COL14A1: variants seen among roughly 807,000 people sequenced by gnomAD.
The protein encoded by COL14A1 is collagen alpha-1(XIV) chain.
In COL14A1, 136 loss-of-function variants were observed where a neutral mutation model predicts 230.3. That is an observed-to-expected ratio of 0.59 (90% CI 0.51 to 0.68). The LOEUF (loss-of-function observed/expected upper bound fraction) is 0.68. COL14A1 is among the 30% of genes least tolerant of loss of function. The probability of loss-of-function intolerance (pLI) is 0.00; values close to 1 mark genes in which losing one functional copy is unlikely to be tolerated. For synonymous variants in COL14A1, 792 were observed against 784.1 expected (o/e 1.01, Z -0.17); for missense variants, 1,976 against 2,215.8 (o/e 0.89, Z 2.17).
chr8:120,225,950 G>C (rs180884433), intron 15 of COL14A1, among the ~76,000 whole-genome samples: 1 of 151,112 alleles, frequency 6.6e-6, no homozygotes, highest in South Asian at 2.1e-4. Flanking sequence ...GCTAATTCTA[G>C]TTGGGATTCT....
intron 13 of COL14A1, among the ~76,000 whole-genome samples, chr8:120,214,495 A>G (rs1232246593): frequency 6.6e-6 from 1 of 152,226 alleles, no homozygotes; most frequent in Admixed American, 6.5e-5. Flanking sequence ...GGGTCCTTGA[A>G]GAGGTTCAAA....
intron 3 of COL14A1, among the ~76,000 whole-genome samples, chr8:120,159,893 T>C (rs971351998): frequency 6.6e-6 from 1 of 152,178 alleles, no homozygotes; most frequent in South Asian, 2.1e-4. Context: ...GATTTCACCA[T>C]GTTGGCCAGA....
chr8:120,132,245 G>T (rs1814556754), intron 1 of COL14A1, among the ~76,000 whole-genome samples: 1 of 152,228 alleles, frequency 6.6e-6, no homozygotes, highest in African/African-American at 2.4e-5. Context: ...TATGGTGAAA[G>T]GTAGGAGTCC....
chr8:120,190,746 G>T (rs199643633), intron 5 of COL14A1, among the ~76,000 whole-genome samples: 3 of 152,184 alleles, frequency 2.0e-5, no homozygotes, highest in Non-Finnish European at 4.4e-5. Context: ...TATTCAGAGA[G>T]TCAACTTCTT....
intron 45 of COL14A1, among the ~76,000 whole-genome samples, chr8:120,348,312 T>TATGTATATATATGAAGCATATATAAAGC (rs1822605468): frequency 6.7e-6 from 1 of 148,616 alleles, no homozygotes; most frequent in African/African-American, 2.5e-5. Context: ...AAAGCATATA[T>TATGTATATATATGAAGCATATATAAAGC]ATATATATAT....
At chr8:120,200,715 TTATATA>T (rs34177030) in intron 8 of COL14A1, among the ~76,000 whole-genome samples, 937 of 85,302 alleles carry the variant, frequency 0.011, 3 homozygotes, top group Non-Finnish European at 0.014. Flanking sequence ...GTTTTCCTAT[TTATATA>T]TATATATATA....
At chr8:120,321,622 G>A (rs1291207836) in intron 40 of COL14A1, among the ~76,000 whole-genome samples, 3 of 143,282 alleles carry the variant, frequency 2.1e-5, no homozygotes, top group East Asian at 2.1e-4. Flanking sequence ...CAGCCTGGGC[G>A]ACAGAACAAG....
At chr8:120,306,488 A>T (rs1586848784) in intron 36 of COL14A1, among the ~76,000 whole-genome samples, 1 of 152,226 alleles carries the variant, frequency 6.6e-6, no homozygotes, top group Non-Finnish European at 1.5e-5. Flanking sequence ...GCAATATGTA[A>T]TAAATTCTGT....
chr8:120,360,865 T>C (rs1413534467), intron 45 of COL14A1, among the ~76,000 whole-genome samples: 3 of 152,114 alleles, frequency 2.0e-5, no homozygotes, highest in African/African-American at 7.2e-5. Context: ...CCCTTTGCCC[T>C]CTGCTCTTTG....
At chr8:120,130,998 C>G (rs1007130834) in intron 1 of COL14A1, among the ~76,000 whole-genome samples, 2 of 152,096 alleles carry the variant, frequency 1.3e-5, no homozygotes, top group African/African-American at 4.8e-5. Context: ...TGTTAATTCA[C>G]TTAGGATAAT....
chr8:120,129,184 G>A (rs1212069715), intron 1 of COL14A1, among the ~76,000 whole-genome samples: 5 of 152,132 alleles, frequency 3.3e-5, no homozygotes, highest in Admixed American at 6.5e-5. Context: ...GCTAACTACG[G>A]GGTAGTGTTC....
intron 40 of COL14A1, among the ~76,000 whole-genome samples, chr8:120,325,342 A>T (rs1282346368): frequency 6.6e-6 from 1 of 152,240 alleles, no homozygotes; most frequent in Admixed American, 6.5e-5. Context: ...TTATTTAAAA[A>T]AATCCCTGTC....
intron 19 of COL14A1, among the ~76,000 whole-genome samples, chr8:120,242,850 C>T (rs188668224): frequency 1.2e-3 from 176 of 152,272 alleles, no homozygotes; most frequent in African/African-American, 4.1e-3. Flanking sequence ...GGGTTCAACT[C>T]GAGGCTTTCT....
Position 120,279,963 on chromosome 8 carries a change from C to T in COL14A1, c.3510C>T (p.Ala1170=), listed in dbSNP as rs377313801. The T allele has an allele frequency of 9.5e-5, 153 of 1,613,464 alleles. No individual in the cohort carries two copies. The highest frequency in any genetic ancestry group is 1.2e-4 in the Non-Finnish European group (137 of 1,179,794). The change falls in exon 29 of 48, where the codon GCC becomes GCT. Residue 1170 remains alanine, a synonymous_variant. Coordinates refer to ENST00000297848, the MANE Select transcript of COL14A1 (RefSeq NM_021110.4). ...DGYSIFAIGV[A]DADYSELVSI... ...ATAGCATTTTTGCAATTGGTGTGGC[C>T]GATGCAGATTACTCGGAGTTGGTTA... is the stretch of plus-strand genomic sequence containing the variant.
At chr8:120,315,655 T>C (rs2130116181) in intron 39 of COL14A1, 69 bp downstream of exon 39, 1 of 1,298,556 alleles carries the variant, frequency 7.7e-7, no homozygotes, top group East Asian at 2.4e-5. Flanking sequence ...AAAAAAGCTG[T>C]AGCTTCTGAA....
intron 34 of COL14A1, among the ~76,000 whole-genome samples, chr8:120,291,364 G>C (rs1336439939): frequency 1.3e-4 from 19 of 151,564 alleles, no homozygotes; most frequent in Non-Finnish European, 2.5e-4. Flanking sequence ...GATCAAGACC[G>C]TCCTGTCTAA....
In COL14A1 at chr8:120,372,785, G is replaced by T. The variant is rs1283142676; in HGVS notation, c.*1554G>T. Reference sequence around the variant, plus strand: ...ATTCATCTTCAGACTTCATCTGAAGGATTCAAACAATCTACTTGTGTGCCT... The same window carrying T: ...ATTCATCTTCAGACTTCATCTGAAGTATTCAAACAATCTACTTGTGTGCCT... On this transcript the variant is annotated 3_prime_UTR_variant, in exon 48 of 48. Coordinates refer to ENST00000297848, the MANE Select transcript of COL14A1 (RefSeq NM_021110.4). Among the ~76,000 whole-genome samples, 1 of 141,384 alleles carries T rather than the reference G, an allele frequency of 7.1e-6. No individual in the cohort carries two copies. The highest frequency in any genetic ancestry group is 1.6e-5 in the Non-Finnish European group (1 of 64,176). 92.8% of individuals were successfully genotyped at this position (141,384 alleles called of 152,430 possible). A position where few individuals can be genotyped will look rare whatever the true frequency, so the allele number is the denominator to read the frequency against.
intron 1 of COL14A1, among the ~76,000 whole-genome samples, chr8:120,142,316 A>G (rs1814941320): frequency 6.6e-6 from 1 of 152,156 alleles, no homozygotes; most frequent in Admixed American, 6.5e-5. Context: ...TATCTTTTCA[A>G]ATTCTCCTGC....
At chr8:120,289,434 T>C (rs1820303359) in intron 33 of COL14A1, among the ~76,000 whole-genome samples, 174 bp from the exon 34 acceptor site, 2 of 152,162 alleles carry the variant, frequency 1.3e-5, no homozygotes, top group Non-Finnish European at 2.9e-5. Flanking sequence ...TACTTGAATA[T>C]GGGAAAATCA....
Sources: allele counts gnomAD v4.1 joint callset (sites outside exome capture counted in the v4.1 genomes callset), GRCh38; gene constraint gnomAD v4.1.1; transcripts MANE v1.5; gene names NCBI Gene and HGNC (gene_info 2026-07-23, HGNC 2026-07-21).